Variants in AADACL3 observed in about 807,000 individuals in gnomAD.
AADACL3 encodes arylacetamide deacetylase-like 3.
In AADACL3, 13 loss-of-function variants were observed where a neutral mutation model predicts 13.6. The ratio of observed to expected loss-of-function variants is 0.95; its 90% CI spans 0.62 to 1.52. The LOEUF (loss-of-function observed/expected upper bound fraction) is 1.52. Ranked by LOEUF, AADACL3 falls within the 40% of genes most tolerant of loss-of-function variation. The pLI is 0.00. For synonymous variants in AADACL3, 195 were observed against 197.0 expected (o/e 0.99, Z 0.08); for missense variants, 519 against 499.2 (o/e 1.04, Z -0.38).
intron 2 of AADACL3, 31 bp from the exon 3 acceptor site, chr1:12,720,852 T>C: frequency 1.3e-6 from 2 of 1,592,862 alleles, no homozygotes; most frequent in Non-Finnish European, 8.6e-7. Flanking sequence ...GAAGCCTTCC[T>C]AGTGAATCTT....
chr1:12,716,996 T>G lies in AADACL3; in HGVS notation c.168+652T>G, dbSNP rs183079690. Among the ~76,000 whole-genome samples, 485 of 152,370 alleles carry G rather than the reference T, an allele frequency of 3.2e-3. 4 individuals carry two copies. The highest frequency in any genetic ancestry group is 0.011 in the South Asian group (51 of 4,834). On this transcript the variant is annotated intron_variant, in intron 1 of 3. Transcript: ENST00000359318. ...GAATATAGTTTGGTTCTGCTTCTGGTGTAATTTGTTAAAATACCTGTAAAT... is the reference window on the plus strand; with the variant it reads ...GAATATAGTTTGGTTCTGCTTCTGGGGTAATTTGTTAAAATACCTGTAAAT...
intron 2 of AADACL3, 40 bp from the exon 3 acceptor site, chr1:12,720,842 GA>G (rs756066132): frequency 1.9e-6 from 3 of 1,572,792 alleles, no homozygotes; most frequent in Non-Finnish European, 1.7e-6. Flanking sequence ...GCTGGCAAAG[GA>G]AGCCTTCCTA....
chr1:12,719,289 C>CA (rs1298256353), intron 1 of AADACL3, among the ~76,000 whole-genome samples, 186 bp from the exon 2 acceptor site: 2 of 152,134 alleles, frequency 1.3e-5, no homozygotes, highest in Non-Finnish European at 2.9e-5. Flanking sequence ...CCTGGGCCTG[C>CA]ATGGGAGTGG....
intron 1 of AADACL3, among the ~76,000 whole-genome samples, chr1:12,717,825 T>C (rs1279337682): frequency 2.0e-5 from 3 of 151,910 alleles, no homozygotes; most frequent in Non-Finnish European, 4.4e-5. Context: ...GGGTCATGGA[T>C]TTGGATCACA....
chr1:12,727,251 C>A lies in AADACL3; in HGVS notation c.*1255C>A, dbSNP rs1430358936. ...AACTCACCATTCCCAAGTCCTATGC[C>A]ATCCTGAGAGTGGGGGGTGGAGTCA... On this transcript the variant is annotated 3_prime_UTR_variant, in exon 4 of 4. Transcript: ENST00000359318. The A allele has an allele frequency of 6.6e-6, 1 of 152,206 alleles. No homozygotes were observed. Among genetic ancestry groups the A allele is most frequent in the Non-Finnish European group, 1.5e-5 (1 of 68,054 alleles). 9.4% of individuals were successfully genotyped at this position (152,206 alleles called of 1,614,324 possible).
At chr1:12,719,444 C>G (rs1473862618) in intron 1 of AADACL3, 31 bp from the exon 2 acceptor site, 1 of 1,599,118 alleles carries the variant, frequency 6.3e-7, no homozygotes, top group East Asian at 2.2e-5. Flanking sequence ...AGAAACCCAT[C>G]TCGACCCATC....
chr1:12,719,078 G>C (rs1302744902), intron 1 of AADACL3, among the ~76,000 whole-genome samples: 3 of 152,186 alleles, frequency 2.0e-5, no homozygotes, highest in Non-Finnish European at 4.4e-5. Context: ...GCTTGGGGTG[G>C]CCAGATTGGC....
In AADACL3 at chr1:12,726,089, T is replaced by G; in HGVS notation, c.*93T>G. 7.0e-7 allele frequency: 1 copy of G among 1,424,246 alleles called. No individual in the cohort carries two copies. Among genetic ancestry groups the G allele is most frequent in the Non-Finnish European group, 9.5e-7 (1 of 1,056,912 alleles). 88.2% of individuals were successfully genotyped at this position (1,424,246 alleles called of 1,614,324 possible). On this transcript the variant is annotated 3_prime_UTR_variant, in exon 4 of 4. Coordinates refer to ENST00000359318, the MANE Select transcript of AADACL3 (RefSeq NM_001103170.3). ...TGTTGCTGATTTAGGTGGTGCATAG[T>G]GGGGCTAGGGAGGGGGTAGAGGTTG... is the stretch of plus-strand genomic sequence containing the variant.
chr1:12,719,877 A>G (rs1648531120), intron 2 of AADACL3, among the ~76,000 whole-genome samples, 186 bp downstream of exon 2: 1 of 152,144 alleles, frequency 6.6e-6, no homozygotes, highest in African/African-American at 2.4e-5. Context: ...GTATCTCCTT[A>G]TTTACATAAA....
In AADACL3 at chr1:12,726,388, G is replaced by T; in HGVS notation, c.*392G>T. 1 of 197,468 alleles carries T rather than the reference G, an allele frequency of 5.1e-6. No individual in the cohort carries two copies. Among genetic ancestry groups the T allele is most frequent in the South Asian group, 1.2e-4 (1 of 8,214 alleles). The allele number at this position is 197,468 out of a possible 1,614,324, so 12.2% of individuals were successfully genotyped here. On this transcript the variant is annotated 3_prime_UTR_variant, in exon 4 of 4. Coordinates refer to ENST00000359318, the MANE Select transcript of AADACL3 (RefSeq NM_001103170.3). ...TTGACTTGACTTTGGAATAGCACAA[G>T]GGCATCATGTACTTCACGAGGCTTT... is the stretch of plus-strand genomic sequence containing the variant.
chr1:12,719,050 C>T (rs1360917326), intron 1 of AADACL3, among the ~76,000 whole-genome samples: 1 of 152,222 alleles, frequency 6.6e-6, no homozygotes, highest in Non-Finnish European at 1.5e-5. Flanking sequence ...TGTACCCACA[C>T]TATAGTTAGC....
rs201914040 is a variant in AADACL3, at chr1:12,716,455, C to G, written c.168+111C>G. On this transcript the variant is annotated intron_variant, in intron 1 of 3. Transcript: ENST00000359318. Reference sequence around the variant, plus strand: ...ATGAACACCGGTATCATGGGGCCTGCAGTGACAGCTGATCAGACCTTCTGA... The same window carrying G: ...ATGAACACCGGTATCATGGGGCCTGGAGTGACAGCTGATCAGACCTTCTGA... 2.3e-4 allele frequency: 323 copies of G among 1,424,470 alleles called. 4 individuals are homozygous for G. In the East Asian group the frequency reaches 5.4e-3, roughly 24 times the overall value. The allele number at this position is 1,424,470 out of a possible 1,614,324, so 88.2% of individuals were successfully genotyped here. A position where few individuals can be genotyped will look rare whatever the true frequency, so the allele number is the denominator to read the frequency against.
rs1171879640 is a variant in AADACL3 at position 12,725,567 on chromosome 1, G to A, written c.795G>A (p.Glu265=). 1 of 1,614,108 alleles carries A rather than the reference G, an allele frequency of 6.2e-7. No homozygotes were observed. The highest frequency in any genetic ancestry group is 2.2e-5 in the East Asian group (1 of 44,882). Residue 265 remains glutamate, a synonymous_variant, in exon 4 of 4, where the codon GAG becomes GAA. Coordinates refer to ENST00000359318, the MANE Select transcript of AADACL3 (RefSeq NM_001103170.3). ...QNLDFSSSWQ[E]VIMKGAHLPA... ...TGGATTTCAGCTCCTCCTGGCAAGA[G>A]GTCATCATGAAAGGTGCCCATTTGC...
chr1:12,722,124 C>CG, intron 3 of AADACL3, among the ~76,000 whole-genome samples: 1 of 151,998 alleles, frequency 6.6e-6, no homozygotes, highest in East Asian at 1.9e-4. Flanking sequence ...GCCAGGAGTT[C>CG]AAGACCAGCC....
At chr1:12,718,314 G>A (rs1648482823) in intron 1 of AADACL3, among the ~76,000 whole-genome samples, 1 of 147,296 alleles carries the variant, frequency 6.8e-6, no homozygotes, top group Non-Finnish European at 1.5e-5. Context: ...TTTGAGTCCA[G>A]GAGTTTGAGA....
Position 12,727,772 on chromosome 1 carries a change from G to T in AADACL3, c.*1776G>T, listed in dbSNP as rs551978144. The T allele has an allele frequency of 2.0e-5, 3 of 152,348 alleles. No homozygotes were observed. Among genetic ancestry groups the T allele is most frequent in the African/African-American group, 7.2e-5 (3 of 41,596 alleles). The allele number at this position is 152,348 out of a possible 1,614,324, so 9.4% of individuals were successfully genotyped here. A position where few individuals can be genotyped will look rare whatever the true frequency, so the allele number is the denominator to read the frequency against. On this transcript the variant is annotated 3_prime_UTR_variant, in exon 4 of 4. Coordinates refer to ENST00000359318, the MANE Select transcript of AADACL3 (RefSeq NM_001103170.3). ...TATGGTAGCCACTCAACTGTTGAAA[G>T]GCACTGGAGTCCAATGGGTGAGGCC... is the stretch of plus-strand genomic sequence containing the variant.
Position 12,726,287 on chromosome 1 carries a change from A to T in AADACL3, c.*291A>T. 2.4e-6 allele frequency: 1 copy of T among 423,048 alleles called. No homozygotes were observed. 26.2% of individuals were successfully genotyped at this position (423,048 alleles called of 1,614,324 possible). A position where few individuals can be genotyped will look rare whatever the true frequency, so the allele number is the denominator to read the frequency against. On this transcript the variant is annotated 3_prime_UTR_variant, in exon 4 of 4. Transcript: ENST00000359318. The stretch of plus-strand genomic sequence containing the variant: ...CATTTGTGGGAGTGAATCAGCCGGT[A>T]AGAGCTGTTCTCAGCCTCCCTAAGG...
In AADACL3 at chr1:12,719,501, CT is replaced by C. The variant is rs1447188062; in HGVS notation, c.196del (p.Cys66ValfsTer16). 2 of 1,613,990 alleles carry C rather than the reference CT, an allele frequency of 1.2e-6. No homozygotes were observed. Among genetic ancestry groups the C allele is most frequent in the African/African-American group, 2.7e-5 (2 of 74,932 alleles). On this transcript the variant is annotated frameshift_variant, in exon 2 of 4. Transcript: ENST00000359318. LOFTEE classifies it high-confidence loss of function. ...GGATGATATTTGAGAAGCTCAGAAT[CT>C]GTTCTATGCCCCAATTTTTCTGTTT... ...WGMIFEKLRI[C>X]SMPQFFCFMQ...
In AADACL3 at chr1:12,722,149, A is replaced by T. The variant is rs113937926; in HGVS notation, c.449+1203A>T. ...CAAGACCAGCCTGGCCAACACGGTG[A>T]AACCTTGTCTCTACTAAAAATACAA... On this transcript the variant is annotated intron_variant, in intron 3 of 3. Coordinates refer to ENST00000359318, the MANE Select transcript of AADACL3 (RefSeq NM_001103170.3). 8.6e-3 allele frequency among the ~76,000 whole-genome samples: 1,302 copies of T among 152,166 alleles called. 17 individuals are homozygous for T. The highest frequency in any genetic ancestry group is 0.029 in the African/African-American group (1,192 of 41,498).
Sources: gnomAD v4.1 joint callset for allele counts (sites outside exome capture counted in the v4.1 genomes callset) on GRCh38, gnomAD v4.1.1 for gene constraint, MANE v1.5 for transcripts, NCBI Gene and HGNC (gene_info 2026-07-23, HGNC 2026-07-21) for gene names.